Variants in SYNE2 observed in about 807,000 individuals in gnomAD.
The protein encoded by SYNE2 is spectrin repeat containing nuclear envelope protein 2.
In SYNE2, 431 loss-of-function variants were observed where a neutral mutation model predicts 856.3. The observed-to-expected ratio is 0.50, with a 90% confidence interval of 0.47 to 0.55. SYNE2 has a LOEUF of 0.55. Ranked by LOEUF, SYNE2 falls within the 20% of genes least tolerant of loss-of-function variation. The pLI, the probability that SYNE2 is intolerant of heterozygous loss-of-function variation, is 0.00. For synonymous variants in SYNE2, 2,923 were observed against 2,872.3 expected (o/e 1.02, Z -0.56); for missense variants, 8,129 against 8,023.2 (o/e 1.01, Z -0.50).
chr14:63,814,512 A>C, intron 1 of SYNE2, among the ~76,000 whole-genome samples: 1 of 141,512 alleles, frequency 7.1e-6, no homozygotes, highest in Admixed American at 7.5e-5. Flanking sequence ...TATAATATAT[A>C]TATCCATTAT....
chr14:64,171,690 G>A (rs1035828207), intron 94 of SYNE2, among the ~76,000 whole-genome samples: 3 of 152,194 alleles, frequency 2.0e-5, no homozygotes, highest in Non-Finnish European at 4.4e-5. Context: ...TGTGACTGGC[G>A]CAGAGCTGGC....
chr14:63,854,423 T>G (rs189191024), intron 1 of SYNE2, among the ~76,000 whole-genome samples: 2 of 152,184 alleles, frequency 1.3e-5, no homozygotes, highest in African/African-American at 4.8e-5. Flanking sequence ...GTTTTCATGC[T>G]TTAATGCATG....
intron 78 of SYNE2, among the ~76,000 whole-genome samples, chr14:64,135,261 A>G (rs2098077365): frequency 6.6e-6 from 1 of 152,142 alleles, no homozygotes. Context: ...CAACTTTAAA[A>G]CCTCAAAAGC....
chr14:64,112,709 C>G (rs115579411), intron 65 of SYNE2, among the ~76,000 whole-genome samples: 1 of 152,164 alleles, frequency 6.6e-6, no homozygotes, highest in Non-Finnish European at 1.5e-5. Context: ...GGGATTCCTT[C>G]TGAGGAATAG....
intron 8 of SYNE2, among the ~76,000 whole-genome samples, chr14:63,955,190 T>C (rs1566902460): frequency 6.6e-6 from 1 of 152,230 alleles, no homozygotes; most frequent in African/African-American, 2.4e-5. Flanking sequence ...TCTGTGTTTT[T>C]TTCTTCTTGA....
At chr14:64,021,540 G>C in intron 36 of SYNE2, 25 bp downstream of exon 36, 1 of 1,612,254 alleles carries the variant, frequency 6.2e-7, no homozygotes, top group Non-Finnish European at 8.5e-7. Flanking sequence ...CTTGTCTTCT[G>C]TGGTTCAGAT....
chr14:63,991,549 A>G (rs1392731020), intron 21 of SYNE2, among the ~76,000 whole-genome samples: 1 of 152,202 alleles, frequency 6.6e-6, no homozygotes, highest in African/African-American at 2.4e-5. Flanking sequence ...TACTTTGATA[A>G]AAGTTATTCA....
chr14:63,770,120 A>G (rs1886848197), intron 1 of SYNE2, among the ~76,000 whole-genome samples: 1 of 151,976 alleles, frequency 6.6e-6, no homozygotes, highest in Admixed American at 6.6e-5. Flanking sequence ...GTGTCTTATC[A>G]TGTTGCCCAG....
At position 64,163,315 on chromosome 14, in the gene SYNE2, C is replaced by T. The variant is rs1007261613; in HGVS notation, c.16300-87C>T. ...TGCCTACGTTTTCAGGGCAAATATT[C>T]TCCTAGATTTTGATGGAGCAGCAGC... On this transcript the variant is annotated intron_variant, in intron 88 of 115. Transcript: ENST00000555002. 1.8e-5 allele frequency: 27 copies of T among 1,464,194 alleles called. No individual in the cohort carries two copies. The African/African-American group carries it at 2.6e-4, about 14-fold the overall frequency. The allele number at this position is 1,464,194 out of a possible 1,614,324, so 90.7% of individuals were successfully genotyped here.
chr14:63,964,107 A>G, intron 10 of SYNE2, 107 bp downstream of exon 10: 1 of 757,340 alleles, frequency 1.3e-6, no homozygotes, highest in Non-Finnish European at 2.2e-6. Flanking sequence ...TATTAAATTC[A>G]CTGAAAGTTT....
intron 1 of SYNE2, among the ~76,000 whole-genome samples, chr14:63,802,929 G>A (rs966553402): frequency 6.6e-6 from 1 of 152,148 alleles, no homozygotes; most frequent in Non-Finnish European, 1.5e-5. Flanking sequence ...GCTCATAAAA[G>A]CAGCGTGAAC....
rs2096662139 is a variant in SYNE2, at chr14:63,990,941, G to T, written c.2473-1G>T. ...AATTTGAGAATTTTTTTGTCTTCAA[G>T]ATCAATGTGGTAAAACTCATTGCAG... On this transcript the variant is annotated splice_acceptor_variant, in intron 20 of 115. Transcript: ENST00000555002. LOFTEE classifies it high-confidence loss of function. 1 of 1,613,824 alleles carries T rather than the reference G, an allele frequency of 6.2e-7. No individual in the cohort carries two copies. Among genetic ancestry groups the T allele is most frequent in the Non-Finnish European group, 8.5e-7 (1 of 1,179,816 alleles).
At chr14:64,162,044 G>A (rs745550613) in intron 87 of SYNE2, 28 bp from the exon 88 acceptor site, 12 of 1,613,540 alleles carry the variant, frequency 7.4e-6, no homozygotes. Flanking sequence ...AGAGAATGAG[G>A]GTTATGTTAT....
intron 49 of SYNE2, among the ~76,000 whole-genome samples, chr14:64,059,363 G>A (rs117897354): frequency 7.9e-4 from 120 of 152,128 alleles, no homozygotes; most frequent in Non-Finnish European, 1.4e-3. Flanking sequence ...TTTTGGTCGC[G>A]GTAGTCATAT....
At chr14:63,822,430 C>T (rs1414117290) in intron 1 of SYNE2, among the ~76,000 whole-genome samples, 1 of 152,138 alleles carries the variant, frequency 6.6e-6, no homozygotes, top group Non-Finnish European at 1.5e-5. Flanking sequence ...AGTAGGCTCA[C>T]TATGTGTGAC....
At chr14:63,954,667 G>T (rs1033820272) in intron 7 of SYNE2, 52 bp from the exon 8 acceptor site, 1 of 1,484,498 alleles carries the variant, frequency 6.7e-7, no homozygotes, top group Non-Finnish European at 9.4e-7. Context: ...GTGGAGGGGG[G>T]TGTTACGTTC....
intron 99 of SYNE2, among the ~76,000 whole-genome samples, chr14:64,199,636 T>G (rs981526891): frequency 6.7e-6 from 1 of 149,630 alleles, no homozygotes. Context: ...GAGAATCACT[T>G]GAACCTGGGA....
chr14:64,097,676 C>T (rs1326580876), intron 61 of SYNE2, among the ~76,000 whole-genome samples: 1 of 152,240 alleles, frequency 6.6e-6, no homozygotes, highest in Non-Finnish European at 1.5e-5. Flanking sequence ...GAGCATGTTA[C>T]AAGTTTCCAT....
chr14:63,981,858 A>G (rs988994605), intron 16 of SYNE2, among the ~76,000 whole-genome samples: 2 of 152,214 alleles, frequency 1.3e-5, no homozygotes, highest in African/African-American at 4.8e-5. Flanking sequence ...AATTTGTGAT[A>G]ACGGTAAGAG....
Sources: allele counts gnomAD v4.1 joint callset (sites outside exome capture counted in the v4.1 genomes callset), GRCh38; gene constraint gnomAD v4.1.1; transcripts MANE v1.5; gene names NCBI Gene and HGNC (gene_info 2026-07-23, HGNC 2026-07-21).